The following ST6GAL2 variants were observed in gnomAD, a reference collection of about 807,000 sequenced individuals.
ST6GAL2 encodes beta-galactoside alpha-2,6-sialyltransferase 2.
In ST6GAL2, 24 loss-of-function variants were observed where a neutral mutation model predicts 37.5. The ratio of observed to expected loss-of-function variants is 0.64; its 90% CI spans 0.46 to 0.90. The LOEUF (loss-of-function observed/expected upper bound fraction) is 0.90, where lower values mean the gene tolerates loss of function less well. ST6GAL2 is among the 40% of genes least tolerant of loss of function. The pLI, the probability that ST6GAL2 is intolerant of heterozygous loss-of-function variation, is 0.00. For missense variants in ST6GAL2, 715 were observed against 712.7 expected (o/e 1.00, Z -0.04); for synonymous variants, 306 against 295.1 (o/e 1.04, Z -0.38).
At chr2:106,828,508 T>C (rs993994347) in intron 5 of ST6GAL2, among the ~76,000 whole-genome samples, 3 of 152,226 alleles carry the variant, frequency 2.0e-5, no homozygotes, top group Non-Finnish European at 2.9e-5. Context: ...GAAAATAATA[T>C]GCAGTCATAT....
intron 1 of ST6GAL2, among the ~76,000 whole-genome samples, chr2:106,884,732 AC>A (rs1678890080): frequency 6.6e-6 from 1 of 151,806 alleles, no homozygotes; most frequent in Non-Finnish European, 1.5e-5. Context: ...ATATCCATTC[AC>A]CTTTGCCAAC....
chr2:106,827,530 C>T (rs960734705), intron 5 of ST6GAL2, among the ~76,000 whole-genome samples: 10 of 152,178 alleles, frequency 6.6e-5, no homozygotes, highest in Non-Finnish European at 4.4e-5. Context: ...CCTCTTCTAT[C>T]CTCGCCCACC....
intron 1 of ST6GAL2, among the ~76,000 whole-genome samples, chr2:106,864,136 G>C (rs1677924890): frequency 2.0e-5 from 3 of 152,176 alleles, no homozygotes; most frequent in Admixed American, 2.0e-4. Context: ...TCAACCCACT[G>C]GCTGGAATCT....
intron 5 of ST6GAL2, among the ~76,000 whole-genome samples, chr2:106,814,050 A>T (rs1393219922): frequency 3.3e-5 from 5 of 152,230 alleles, no homozygotes; most frequent in Non-Finnish European, 7.3e-5. Flanking sequence ...TTGTAACTAA[A>T]AGATGGTTTG....
In ST6GAL2 at chr2:106,807,939, C is replaced by T. The variant is rs1403343213; in HGVS notation, c.1319-990G>A. 2.6e-5 allele frequency among the ~76,000 whole-genome samples: 4 copies of T among 152,072 alleles called. No individual in the cohort carries two copies. The East Asian group carries it at 5.8e-4, about 22-fold the overall frequency. On this transcript the variant is annotated intron_variant, in intron 5 of 5. Coordinates refer to ENST00000409382, the MANE Select transcript of ST6GAL2 (RefSeq NM_001142351.2). ...GCGCCAGGCCTGAGTACATTTTATT[C>T]TTTATCTAGACTAATGGCTTTCTTT...
At chr2:106,813,277 T>A in intron 5 of ST6GAL2, 2 of 1,253,926 alleles carry the variant, frequency 1.6e-6, no homozygotes, top group Non-Finnish European at 2.0e-6. Context: ...TCTAGGCAAT[T>A]GTGACTCAAG....
At position 106,834,081 on chromosome 2, in the gene ST6GAL2, T is replaced by G. The variant is rs141891229; in HGVS notation, c.1009A>C (p.Asn337His). The G allele has an allele frequency of 1.9e-4, 312 of 1,613,656 alleles. No homozygotes were observed. The highest frequency in any genetic ancestry group is 2.5e-4 in the Non-Finnish European group (297 of 1,179,788). ...PTRGYEKDVG[N>H]KTTIRIINSQ... is the part of the protein sequence containing the mutation. The stretch of plus-strand genomic sequence containing the variant: ...TTAATGATGCGTATGGTGGTTTTAT[T>G]CCCAACATCTTTCTCATAACCACGT... The change falls in exon 3 of 6, where the codon AAT (asparagine) becomes CAT (histidine). Residue 337 changes from asparagine to histidine, a missense_variant. Asn to His is a moderately conservative substitution (Grantham distance 68). Transcript: ENST00000409382.
chr2:106,814,994 A>G (rs1675748813), intron 5 of ST6GAL2, among the ~76,000 whole-genome samples: 1 of 152,216 alleles, frequency 6.6e-6, no homozygotes, highest in Non-Finnish European at 1.5e-5. Flanking sequence ...ACGAGTCCTT[A>G]TGGATCATCT....
intron 1 of ST6GAL2, among the ~76,000 whole-genome samples, chr2:106,853,188 A>G (rs1677441692): frequency 6.6e-6 from 1 of 152,208 alleles, no homozygotes; most frequent in African/African-American, 2.4e-5. Context: ...TGATCCTCTG[A>G]CATCCGTATC....
chr2:106,838,588 C>T (rs139318845), intron 2 of ST6GAL2, among the ~76,000 whole-genome samples: 4 of 152,318 alleles, frequency 2.6e-5, no homozygotes, highest in Non-Finnish European at 5.9e-5. Flanking sequence ...ATCATGGGCA[C>T]AGGGCTGAGA....
chr2:106,849,692 T>C (rs763838242), intron 1 of ST6GAL2, among the ~76,000 whole-genome samples: 1 of 152,118 alleles, frequency 6.6e-6, no homozygotes, highest in East Asian at 1.9e-4. Context: ...GTACCATCTA[T>C]CCTCTCTGAA....
chr2:106,809,302 G>T (rs1675527729), intron 5 of ST6GAL2, among the ~76,000 whole-genome samples: 1 of 152,218 alleles, frequency 6.6e-6, no homozygotes, highest in Non-Finnish European at 1.5e-5. Context: ...CACTTTGCTT[G>T]CACATGGCAG....
At chr2:106,813,045 T>A in intron 5 of ST6GAL2, 1 of 1,229,014 alleles carries the variant, frequency 8.1e-7, no homozygotes, top group Non-Finnish European at 1.0e-6. Context: ...TTCAAGCCAA[T>A]CAAATGGGTA....
rs372972370 is a variant in ST6GAL2, at chr2:106,842,397, G to A, written c.943+638C>T. On this transcript the variant is annotated intron_variant, in intron 2 of 5. Transcript: ENST00000409382. ...CCATCTTGGAGAAGGTCCCTGGTAG[G>A]TGCACTGGCAGTGCCCCAAAGGTTG... is the stretch of plus-strand genomic sequence containing the variant. Among the ~76,000 whole-genome samples, 8 of 152,338 alleles carry A rather than the reference G, an allele frequency of 5.3e-5. No homozygotes were observed. The South Asian group carries it at 1.7e-3, about 32-fold the overall frequency.
At chr2:106,836,510 T>A (rs1238560819) in intron 2 of ST6GAL2, among the ~76,000 whole-genome samples, 2 of 152,106 alleles carry the variant, frequency 1.3e-5, no homozygotes, top group East Asian at 3.9e-4. Context: ...CACTCACGCA[T>A]AATTGTATAA....
At chr2:106,873,462 G>A (rs1678366605) in intron 1 of ST6GAL2, among the ~76,000 whole-genome samples, 1 of 152,200 alleles carries the variant, frequency 6.6e-6, no homozygotes, top group Admixed American at 6.5e-5. Context: ...TTCTGGAACG[G>A]CCTTATTATC....
At chr2:106,840,016 C>T (rs1676809687) in intron 2 of ST6GAL2, among the ~76,000 whole-genome samples, 1 of 152,170 alleles carries the variant, frequency 6.6e-6, no homozygotes, top group South Asian at 2.1e-4. Flanking sequence ...GGCTGCACTG[C>T]CAGTGGAGCA....
chr2:106,870,300 A>T (rs148789337), intron 1 of ST6GAL2, among the ~76,000 whole-genome samples: 2 of 152,344 alleles, frequency 1.3e-5, no homozygotes, highest in African/African-American at 4.8e-5. Context: ...ATTTTGATGT[A>T]TAAACTGAAT....
At chr2:106,836,754 C>G (rs1360195970) in intron 2 of ST6GAL2, among the ~76,000 whole-genome samples, 2 of 139,340 alleles carry the variant, frequency 1.4e-5, no homozygotes, top group Non-Finnish European at 3.1e-5. Flanking sequence ...ATGGAGAAAC[C>G]CCGTCTCTAC....
Sources: gnomAD v4.1 joint callset for allele counts (sites outside exome capture counted in the v4.1 genomes callset) on GRCh38, gnomAD v4.1.1 for gene constraint, MANE v1.5 for transcripts, NCBI Gene and HGNC (gene_info 2026-07-23, HGNC 2026-07-21) for gene names.